CREBBP: variants seen among roughly 807,000 people sequenced by gnomAD.
CREBBP encodes CREB binding lysine acetyltransferase.
Under a neutral mutation model 265.0 loss-of-function variants are expected in CREBBP, and 19 were observed. The observed-to-expected ratio is 0.07, with a 90% CI of 0.05 to 0.11. CREBBP has a LOEUF of 0.11. CREBBP is among the 10% of genes least tolerant of loss of function. CREBBP has a pLI of 1.00. For synonymous variants in CREBBP, 1,457 were observed against 1,223.7 expected, an observed-to-expected ratio of 1.19 and a Z score of -3.98; for missense variants, 2,525 against 3,219.0, an observed-to-expected ratio of 0.78 and a Z score of 5.22.
chr16:3,792,259 T>C (rs1025255686), intron 4 of CREBBP, among the ~76,000 whole-genome samples, 165 bp from the exon 5 acceptor site: 2 of 152,212 alleles, frequency 1.3e-5, no homozygotes, highest in Non-Finnish European at 2.9e-5. Flanking sequence ...TCCAAAAAGT[T>C]TGTAAGTTGA....
Position 3,727,665 on chromosome 16 carries a change from TCAGTA to T in CREBBP, c.*48_*52del. ...AAAAAGAACCTAGATGCCTGGATTT[TCAGTA>T]CAAAAGGTCCAAGAACATGAAAGGG... is the stretch of plus-strand genomic sequence containing the variant. On this transcript the variant is annotated 3_prime_UTR_variant, in exon 31 of 31. Transcript: ENST00000262367. 1 of 1,613,634 alleles carries T rather than the reference TCAGTA, an allele frequency of 6.2e-7. No individual in the cohort carries two copies. The highest frequency in any genetic ancestry group is 1.7e-5 in the Admixed American group (1 of 59,994).
intron 3 of CREBBP, among the ~76,000 whole-genome samples, chr16:3,794,212 G>T (rs1436041659): frequency 6.6e-6 from 1 of 151,684 alleles, no homozygotes; most frequent in African/African-American, 2.4e-5. Context: ...GGTGCCTGTA[G>T]TCCCACCTAC....
At chr16:3,838,104 G>A (rs1646809639) in intron 2 of CREBBP, among the ~76,000 whole-genome samples, 1 of 152,182 alleles carries the variant, frequency 6.6e-6, no homozygotes, top group African/African-American at 2.4e-5. Context: ...AAAGTGCTGG[G>A]ATTGCAGGCA....
chr16:3,802,157 A>G lies in CREBBP; in HGVS notation c.975+8446T>C, dbSNP rs1369096922. 6.2e-5 allele frequency among the ~76,000 whole-genome samples: 5 copies of G among 80,242 alleles called. 1 individual carries two copies. Among genetic ancestry groups the G allele is most frequent in the Non-Finnish European group, 1.0e-4 (5 of 48,350 alleles). 52.6% of individuals were successfully genotyped at this position (80,242 alleles called of 152,430 possible). ...TTTTTTTTTTTTTTTTTTGTGACAG[A>G]GTCTCGCTCTGTCACCCAGGCTGGA... On this transcript the variant is annotated intron_variant, in intron 3 of 30. Transcript: ENST00000262367.
intron 2 of CREBBP, among the ~76,000 whole-genome samples, chr16:3,827,380 C>T (rs1157941575): frequency 6.6e-6 from 1 of 151,974 alleles, no homozygotes; most frequent in Non-Finnish European, 1.5e-5. Flanking sequence ...AGTGATCTTG[C>T]TTACTTTTTA....
intron 3 of CREBBP, among the ~76,000 whole-genome samples, chr16:3,798,995 A>T (rs2053660564): frequency 6.6e-6 from 1 of 152,254 alleles, no homozygotes; most frequent in African/African-American, 2.4e-5. Context: ...AATATTATTC[A>T]ACCGTAAAAA....
intron 14 of CREBBP, among the ~76,000 whole-genome samples, chr16:3,769,759 G>A (rs553261686): frequency 1.1e-3 from 165 of 152,338 alleles, no homozygotes; most frequent in Admixed American, 2.4e-3. Flanking sequence ...CCTACCCAAA[G>A]ACAGTGTTAC....
At chr16:3,849,308 T>C (rs943565426) in intron 2 of CREBBP, among the ~76,000 whole-genome samples, 3 of 151,880 alleles carry the variant, frequency 2.0e-5, no homozygotes, top group African/African-American at 7.3e-5. Context: ...CAGTTCCTAC[T>C]CTAGAAGGCA....
chr16:3,847,478 C>T (rs1177080850), intron 2 of CREBBP, among the ~76,000 whole-genome samples: 2 of 152,172 alleles, frequency 1.3e-5, no homozygotes, highest in Non-Finnish European at 2.9e-5. Flanking sequence ...TTTCATTCCA[C>T]CCAAAGGCAA....
At chr16:3,735,704 C>T (rs774602518) in intron 28 of CREBBP, among the ~76,000 whole-genome samples, 13 of 152,172 alleles carry the variant, frequency 8.5e-5, no homozygotes, top group Non-Finnish European at 1.3e-4. Flanking sequence ...CCACCAAACA[C>T]GGAATAAGGC....
intron 2 of CREBBP, among the ~76,000 whole-genome samples, chr16:3,836,353 G>C (rs2054450074): frequency 6.7e-6 from 1 of 149,634 alleles, no homozygotes; most frequent in Non-Finnish European, 1.5e-5. Flanking sequence ...AGAATCGCTT[G>C]AACCCATGAG....
At chr16:3,814,255 GTGTGTGTGTGTGTGTT>G (rs2053995595) in intron 2 of CREBBP, among the ~76,000 whole-genome samples, 1 of 147,214 alleles carries the variant, frequency 6.8e-6, no homozygotes, top group South Asian at 2.1e-4. Context: ...GTGTGTGTGT[GTGTGTGTGTGTGTGTT>G]TGAGACAGAG....
At chr16:3,843,984 T>C (rs1017562321) in intron 2 of CREBBP, among the ~76,000 whole-genome samples, 4 of 149,804 alleles carry the variant, frequency 2.7e-5, no homozygotes, top group Admixed American at 1.3e-4. Flanking sequence ...CCGTCTCTAC[T>C]AAAAATACAA....
chr16:3,792,518 T>C (rs1426496429), intron 4 of CREBBP, among the ~76,000 whole-genome samples: 4 of 152,340 alleles, frequency 2.6e-5, no homozygotes, highest in East Asian at 1.9e-4. Flanking sequence ...GAGAAGTCTG[T>C]AGAGATTCTG....
chr16:3,815,398 GGC>G (rs1365163314), intron 2 of CREBBP, among the ~76,000 whole-genome samples: 3 of 151,830 alleles, frequency 2.0e-5, no homozygotes, highest in Non-Finnish European at 4.4e-5. Context: ...AAATTAGCTA[GGC>G]ATGGTGGTGC....
Position 3,850,395 on chromosome 16 carries a change from C to T in CREBBP, c.700G>A (p.Ala234Thr), listed in dbSNP as rs1285192047. Residue 234 changes from alanine to threonine, a missense_variant, in exon 2 of 31, where the codon GCC becomes ACC. This residue lies in a region of CREBBP where 356 missense variants were observed against 340.4 expected (regional missense o/e 1.05). Coordinates refer to ENST00000262367, the MANE Select transcript of CREBBP (RefSeq NM_004380.3). ...GTCTCAGCCAGCACGCTGCTCGAGG[C>T]GCCCTGCATGGCTGGAGTAGGGTAC... The part of the protein sequence containing the change: ...MPYPTPAMQG[A>T]SSSVLAETLT... The T allele has an allele frequency of 6.2e-6, 10 of 1,614,232 alleles. No individual in the cohort carries two copies. The highest frequency in any genetic ancestry group is 8.5e-6 in the Non-Finnish European group (10 of 1,180,042).
intron 3 of CREBBP, among the ~76,000 whole-genome samples, chr16:3,807,804 ACC>A (rs2053859569): frequency 6.6e-6 from 1 of 152,134 alleles, no homozygotes; most frequent in Non-Finnish European, 1.5e-5. Flanking sequence ...GTGTGCTGGT[ACC>A]CCACTTTCCC....
chr16:3,855,108 C>T (rs1298362972), intron 1 of CREBBP, among the ~76,000 whole-genome samples: 2 of 152,220 alleles, frequency 1.3e-5, no homozygotes, highest in Non-Finnish European at 2.9e-5. Flanking sequence ...TATCACACAT[C>T]TGTCTCTTCA....
intron 1 of CREBBP, among the ~76,000 whole-genome samples, chr16:3,868,979 T>TCA (rs1835219955): frequency 6.6e-6 from 1 of 152,050 alleles, no homozygotes; most frequent in Non-Finnish European, 1.5e-5. Flanking sequence ...CTCCACCATC[T>TCA]CAGAAGCAAA....
Sources: allele counts gnomAD v4.1 joint callset (sites outside exome capture counted in the v4.1 genomes callset), GRCh38; gene constraint gnomAD v4.1.1; regional missense constraint gnomAD v4.1.1; transcripts MANE v1.5; gene names NCBI Gene and HGNC (gene_info 2026-07-23, HGNC 2026-07-21).